Variants in ZSCAN21 observed in about 807,000 individuals in gnomAD.
The protein encoded by ZSCAN21 is zinc finger and SCAN domain containing 21, also known as zinc finger and SCAN domain-containing protein 21.
A neutral mutation model predicts 35.6 loss-of-function variants in ZSCAN21; 26 were observed. That is an observed-to-expected ratio of 0.73 (90% CI 0.54 to 1.01). ZSCAN21 has a LOEUF of 1.01. Among genes scored for constraint, ZSCAN21 ranks in the 50% least tolerant of loss-of-function variants. ZSCAN21 has a pLI of 0.00. For synonymous variants in ZSCAN21, 219 were observed against 219.3 expected, an observed-to-expected ratio of 1.00 and a Z score of 0.01; for missense variants, 593 against 587.1, an observed-to-expected ratio of 1.01 and a Z score of -0.10.
intron 1 of ZSCAN21, among the ~76,000 whole-genome samples, chr7:100,054,802 G>A (rs1584371364): frequency 8.0e-6 from 1 of 125,712 alleles, no homozygotes; most frequent in East Asian, 2.6e-4. Context: ...TCACGCCACT[G>A]TACTCTAGCC....
rs1188002316 is a variant in ZSCAN21 at position 100,063,907 on chromosome 7, G to C, written c.712G>C (p.Glu238Gln). 6 of 1,614,038 alleles carry C rather than the reference G, an allele frequency of 3.7e-6. No individual in the cohort carries two copies. The highest frequency in any genetic ancestry group is 1.3e-5 in the African/African-American group (1 of 74,932). ...IIANKPEASL[E>Q]RQCVNLENEK... ...CGCCAATAAACCTGAGGCCAGCTTA[G>C]AGAGGCAGTGCGTAAACCTTGAAAA... The change falls in exon 4 of 4, where the codon GAG becomes CAG. Residue 238 changes from glutamate (E) to glutamine (Q), a missense_variant. By Grantham distance (29) the Glu-to-Gln change is conservative (BLOSUM62 2). Transcript: ENST00000292450.
At chr7:100,059,395 A>T (rs1311257382) in intron 3 of ZSCAN21, among the ~76,000 whole-genome samples, 1 of 152,154 alleles carries the variant, frequency 6.6e-6, no homozygotes, top group Non-Finnish European at 1.5e-5. Context: ...CTCTTGGTGT[A>T]GCCCCTTGGC....
At chr7:100,059,003 T>C (rs1792181878) in intron 3 of ZSCAN21, among the ~76,000 whole-genome samples, 1 of 152,226 alleles carries the variant, frequency 6.6e-6, no homozygotes, top group Admixed American at 6.5e-5. Flanking sequence ...AGAGTTAATG[T>C]TTAATTATAT....
intron 3 of ZSCAN21, among the ~76,000 whole-genome samples, chr7:100,060,459 G>A (rs1458895451): frequency 6.6e-6 from 1 of 152,214 alleles, no homozygotes; most frequent in Non-Finnish European, 1.5e-5. Flanking sequence ...CTACTCAGGA[G>A]GCTGAGGCAG....
chr7:100,064,189 C>A lies in ZSCAN21; in HGVS notation c.994C>A (p.Pro332Thr), dbSNP rs1226250841. 1 of 1,614,102 alleles carries A rather than the reference C, an allele frequency of 6.2e-7. No individual in the cohort carries two copies. Among genetic ancestry groups the A allele is most frequent in the Non-Finnish European group, 8.5e-7 (1 of 1,180,024 alleles). Reference sequence around the variant, plus strand: ...CTACAGAACACACTTGGTGGACCGGCCCTATGACTGTAAGTGTGGAAAAGC... The same window carrying A: ...CTACAGAACACACTTGGTGGACCGGACCTATGACTGTAAGTGTGGAAAAGC... Reference protein sequence around the residue: ...LHYRTHLVDRPYDCKCGKAFG... With the variant: ...LHYRTHLVDRTYDCKCGKAFG... Residue 332 changes from proline (P) to threonine (T), a missense_variant, in exon 4 of 4, where the codon CCC becomes ACC. Transcript: ENST00000292450.
Position 100,057,082 on chromosome 7 carries a change from G to T in ZSCAN21, c.76G>T (p.Val26Leu). The T allele has an allele frequency of 6.2e-7, 1 of 1,614,106 alleles. No homozygotes were observed. The highest frequency in any genetic ancestry group is 8.5e-7 in the Non-Finnish European group (1 of 1,180,016). ...PPQEQVGPLM[V>L]KVEEKEEKGK... ...ACAGGAGCAGGTGGGGCCTCTGATG[G>T]TAAAAGTCGAGGAGAAAGAAGAGAA... is the stretch of plus-strand genomic sequence containing the variant. Residue 26 changes from valine (V) to leucine (L), a missense_variant, in exon 2 of 4, where the codon GTA (valine) becomes TTA (leucine). Transcript: ENST00000292450.
rs534277071 is a variant in ZSCAN21, at chr7:100,064,700, C to T, written c.*83C>T. On this transcript the variant is annotated 3_prime_UTR_variant, in exon 4 of 4. Transcript: ENST00000292450. ...AGAAGTCTTGTCATTGCAGCAGCAT[C>T]GATTCCGGTGATAGAGTTTGTATCA... The T allele has an allele frequency of 6.8e-6, 11 of 1,606,374 alleles. No homozygotes were observed. The highest frequency in any genetic ancestry group is 2.2e-5 in the East Asian group (1 of 44,734).
At chr7:100,059,739 C>T (rs1249897692) in intron 3 of ZSCAN21, among the ~76,000 whole-genome samples, 2 of 151,584 alleles carry the variant, frequency 1.3e-5, no homozygotes, top group Admixed American at 6.6e-5. Flanking sequence ...AACAGAGTTT[C>T]GGTCTTGTTG....
At chr7:100,063,603 AAAG>A (rs1792456528) in intron 3 of ZSCAN21, among the ~76,000 whole-genome samples, 182 bp from the exon 4 acceptor site, 1 of 152,128 alleles carries the variant, frequency 6.6e-6, no homozygotes, top group African/African-American at 2.4e-5. Context: ...TCAAAAAAAA[AAAG>A]AAGTGCAGTA....
At chr7:100,053,884 A>G (rs1791979298) in intron 1 of ZSCAN21, among the ~76,000 whole-genome samples, 1 of 152,046 alleles carries the variant, frequency 6.6e-6, no homozygotes, top group Non-Finnish European at 1.5e-5. Flanking sequence ...GATGACCAAG[A>G]TACTAGGTAT....
At chr7:100,062,039 T>A (rs962968667) in intron 3 of ZSCAN21, among the ~76,000 whole-genome samples, 2 of 152,220 alleles carry the variant, frequency 1.3e-5, no homozygotes, top group African/African-American at 4.8e-5. Flanking sequence ...AAGTAAATGA[T>A]GAGCGTGAAG....
At position 100,064,536 on chromosome 7, in the gene ZSCAN21, T is replaced by C. The variant is rs1792535654; in HGVS notation, c.1341T>C (p.His447=). 6.2e-7 allele frequency: 1 copy of C among 1,614,066 alleles called. No homozygotes were observed. Among genetic ancestry groups the C allele is most frequent in the African/African-American group, 1.3e-5 (1 of 74,902 alleles). Residue 447 remains histidine, a synonymous_variant, in exon 4 of 4, where the codon CAT becomes CAC. Transcript: ENST00000292450. ...IHTGEKPYWC[H]HCGKTFCSKS... is the part of the protein sequence containing the mutation. Reference sequence around the variant, plus strand: ...CCGGGGAAAAGCCCTACTGGTGTCATCACTGTGGAAAGACCTTCTGTAGCA... The same window carrying C: ...CCGGGGAAAAGCCCTACTGGTGTCACCACTGTGGAAAGACCTTCTGTAGCA...
chr7:100,052,750 G>T (rs567606050), intron 1 of ZSCAN21, among the ~76,000 whole-genome samples: 1 of 151,304 alleles, frequency 6.6e-6, no homozygotes, highest in South Asian at 2.1e-4. Context: ...ACCAAGGAGA[G>T]TGAGTGCAGG....
Position 100,064,535 on chromosome 7 carries a change from A to T in ZSCAN21, c.1340A>T (p.His447Leu). ...IHTGEKPYWCHHCGKTFCSKS... is the reference protein window; with the variant it reads ...IHTGEKPYWCLHCGKTFCSKS... Reference sequence around the variant, plus strand: ...ACCGGGGAAAAGCCCTACTGGTGTCATCACTGTGGAAAGACCTTCTGTAGC... The same window carrying T: ...ACCGGGGAAAAGCCCTACTGGTGTCTTCACTGTGGAAAGACCTTCTGTAGC... Residue 447 changes from histidine to leucine, a missense_variant, in exon 4 of 4, where the codon CAT becomes CTT. Coordinates refer to ENST00000292450, the MANE Select transcript of ZSCAN21 (RefSeq NM_145914.3). 1 of 1,614,212 alleles carries T rather than the reference A, an allele frequency of 6.2e-7. No individual in the cohort carries two copies. Among genetic ancestry groups the T allele is most frequent in the Non-Finnish European group, 8.5e-7 (1 of 1,180,042 alleles).
In ZSCAN21 at chr7:100,064,004, C is replaced by T; in HGVS notation, c.809C>T (p.Pro270Leu). The change falls in exon 4 of 4, where the codon CCT (proline) becomes CTT (leucine). Residue 270 changes from proline to leucine, a missense_variant. Physicochemically the swap from Pro to Leu is moderately conservative, Grantham distance 98 (BLOSUM62 -3). Transcript: ENST00000292450. Reference sequence around the variant, plus strand: ...GGTAGAGAATCAGTTCCTACTAAACCTACCCCAGGAGAGAGACGTTATATA... The same window carrying T: ...GGTAGAGAATCAGTTCCTACTAAACTTACCCCAGGAGAGAGACGTTATATA... ...KKGRESVPTK[P>L]TPGERRYICA... 1.2e-6 allele frequency: 2 copies of T among 1,614,146 alleles called. No homozygotes were observed. Among genetic ancestry groups the T allele is most frequent in the Non-Finnish European group, 1.7e-6 (2 of 1,180,032 alleles).
At position 100,064,298 on chromosome 7, in the gene ZSCAN21, C is replaced by T. The variant is rs946806183; in HGVS notation, c.1103C>T (p.Ala368Val). The change falls in exon 4 of 4, where the codon GCT (alanine) becomes GTT (valine). Residue 368 changes from alanine (A) to valine (V), a missense_variant. Physicochemically the swap from Ala to Val is moderately conservative, Grantham distance 64. Coordinates refer to ENST00000292450, the MANE Select transcript of ZSCAN21 (RefSeq NM_145914.3). ...APYQCKDCGK[A>V]FSGKGSLIRH... ...TATCAGTGCAAAGATTGTGGCAAGG[C>T]TTTCAGCGGGAAAGGCAGCCTCATT... 4.3e-6 allele frequency: 7 copies of T among 1,614,176 alleles called. No individual in the cohort carries two copies. The highest frequency in any genetic ancestry group is 5.9e-6 in the Non-Finnish European group (7 of 1,180,038).
intron 1 of ZSCAN21, among the ~76,000 whole-genome samples, chr7:100,055,947 CTTT>C (rs72484489): frequency 9.5e-6 from 1 of 105,346 alleles, no homozygotes. Context: ...CGGCCCTCCT[CTTT>C]TTTTTTTTTA....
intron 3 of ZSCAN21, among the ~76,000 whole-genome samples, chr7:100,060,873 A>C (rs1489258006): frequency 1.3e-5 from 2 of 151,674 alleles, no homozygotes; most frequent in East Asian, 3.9e-4. Flanking sequence ...AAAAAAAAAA[A>C]AAAAACATTT....
intron 1 of ZSCAN21, among the ~76,000 whole-genome samples, chr7:100,051,990 G>A (rs1049807870): frequency 1.3e-5 from 2 of 152,048 alleles, no homozygotes; most frequent in African/African-American, 4.8e-5. Flanking sequence ...GAGCACAGTG[G>A]TACAGCCACA....
Sources: allele counts gnomAD v4.1 joint callset (sites outside exome capture counted in the v4.1 genomes callset), GRCh38; gene constraint gnomAD v4.1.1; transcripts MANE v1.5; gene names NCBI Gene and HGNC (gene_info 2026-07-23, HGNC 2026-07-21).